Variants in VWA3B observed in about 807,000 individuals in gnomAD.
The protein encoded by VWA3B is von Willebrand factor A domain-containing protein 3B.
Under a neutral mutation model 158.3 loss-of-function variants are expected in VWA3B, and 138 were observed. The ratio of observed to expected loss-of-function variants is 0.87; its 90% CI spans 0.76 to 1.00. VWA3B has a LOEUF of 1.00. Among genes scored for constraint, VWA3B ranks in the 50% least tolerant of loss-of-function variants. The pLI, the probability that VWA3B is intolerant of heterozygous loss-of-function variation, is 0.00. For synonymous variants in VWA3B, 596 were observed against 587.3 expected, an observed-to-expected ratio of 1.01 and a Z score of -0.21; for missense variants, 1,555 against 1,565.1, an observed-to-expected ratio of 0.99 and a Z score of 0.11.
At chr2:98,124,412 A>T (rs1675201763) in intron 5 of VWA3B, among the ~76,000 whole-genome samples, 1 of 152,196 alleles carries the variant, frequency 6.6e-6, no homozygotes, top group Admixed American at 6.5e-5. Context: ...GTGGGGACAG[A>T]GACCCTGAAA....
At chr2:98,185,907 G>A (rs1390371344) in intron 9 of VWA3B, among the ~76,000 whole-genome samples, 3 of 152,082 alleles carry the variant, frequency 2.0e-5, no homozygotes, top group Non-Finnish European at 2.9e-5. Context: ...CTCTGGCTGT[G>A]CCCCCACGCC....
At chr2:98,127,638 C>T (rs1354752927) in intron 5 of VWA3B, among the ~76,000 whole-genome samples, 2 of 143,052 alleles carry the variant, frequency 1.4e-5, no homozygotes, top group African/African-American at 5.4e-5. Context: ...GCTTATTCTT[C>T]CATTCTTCTC....
chr2:98,300,804 G>A (rs959115192), intron 25 of VWA3B, among the ~76,000 whole-genome samples: 21 of 151,946 alleles, frequency 1.4e-4, no homozygotes, highest in Non-Finnish European at 2.8e-4. Flanking sequence ...CTCAGACTCC[G>A]CAAGCCAGTG....
chr2:98,197,403 A>G (rs1342328444), intron 12 of VWA3B, among the ~76,000 whole-genome samples: 2 of 152,226 alleles, frequency 1.3e-5, no homozygotes, highest in Non-Finnish European at 2.9e-5. Context: ...TGTAAATAAT[A>G]AAAGTTTTGG....
intron 8 of VWA3B, among the ~76,000 whole-genome samples, chr2:98,166,060 G>A (rs532692528): frequency 2.6e-5 from 4 of 152,156 alleles, no homozygotes; most frequent in Non-Finnish European, 5.9e-5. Context: ...TAAGGGACCA[G>A]GTATGGTGGC....
chr2:98,271,844 G>A (rs948268897), intron 22 of VWA3B, among the ~76,000 whole-genome samples: 1 of 152,222 alleles, frequency 6.6e-6, no homozygotes, highest in African/African-American at 2.4e-5. Context: ...ATACATGGGT[G>A]TGTGTGGACG....
intron 25 of VWA3B, 146 bp downstream of exon 25, chr2:98,300,362 G>A (rs1256293193): frequency 2.4e-5 from 29 of 1,192,656 alleles, no homozygotes; most frequent in Middle Eastern, 2.0e-4. Flanking sequence ...TCTGCCCACC[G>A]TGCCACACAG....
chr2:98,276,139 A>G (rs1373492622), intron 22 of VWA3B, among the ~76,000 whole-genome samples: 1 of 152,186 alleles, frequency 6.6e-6, no homozygotes, highest in African/African-American at 2.4e-5. Flanking sequence ...GAGAGGTCAC[A>G]TCTGGTGACT....
chr2:98,297,839 A>G (rs1424562747), intron 23 of VWA3B, 68 bp from the exon 24 acceptor site: 2 of 1,416,852 alleles, frequency 1.4e-6, no homozygotes, highest in African/African-American at 1.5e-5. Flanking sequence ...GGCCAGAAAG[A>G]TGGCACAAGC....
At chr2:98,133,744 C>T (rs1477080026) in intron 6 of VWA3B, 80 bp from the exon 7 acceptor site, 7 of 1,220,448 alleles carry the variant, frequency 5.7e-6, no homozygotes, top group East Asian at 2.3e-5. Context: ...CCGAAGAGCA[C>T]GTTCAGTCCC....
chr2:98,275,290 C>T (rs114515137), intron 22 of VWA3B, among the ~76,000 whole-genome samples: 1,996 of 152,270 alleles, frequency 0.013, 26 homozygotes, highest in Non-Finnish European at 0.022. Context: ...TCACTTTCAG[C>T]GCTCTTGATT....
At chr2:98,236,241 C>T (rs1401136014) in intron 17 of VWA3B, 149 bp from the exon 18 acceptor site, 8 of 856,190 alleles carry the variant, frequency 9.3e-6, no homozygotes, top group East Asian at 2.6e-5. Flanking sequence ...CCTGAGAGCC[C>T]GCTCTGACAA....
At chr2:98,162,156 C>A (rs950438761) in intron 7 of VWA3B, among the ~76,000 whole-genome samples, 9 of 149,368 alleles carry the variant, frequency 6.0e-5, no homozygotes, top group African/African-American at 2.2e-4. Flanking sequence ...ACATCCATTT[C>A]CCCCCGGCCC....
At chr2:98,285,768 C>G (rs1156968553) in intron 22 of VWA3B, among the ~76,000 whole-genome samples, 14 of 151,764 alleles carry the variant, frequency 9.2e-5, no homozygotes, top group Admixed American at 9.2e-4. Flanking sequence ...TTCAACTTCT[C>G]AATTTCTGCA....
At chr2:98,274,288 G>T (rs1408897273) in intron 22 of VWA3B, among the ~76,000 whole-genome samples, 2 of 152,204 alleles carry the variant, frequency 1.3e-5, no homozygotes, top group Non-Finnish European at 2.9e-5. Context: ...TGTGTCCATG[G>T]CACTGACAGT....
At chr2:98,245,315 G>A (rs1398834331) in intron 19 of VWA3B, 11 of 279,842 alleles carry the variant, frequency 3.9e-5, no homozygotes, top group Non-Finnish European at 7.0e-5. Flanking sequence ...AGAAGCCGGG[G>A]GTGCCATGAT....
intron 14 of VWA3B, among the ~76,000 whole-genome samples, chr2:98,222,531 C>T (rs1204120772): frequency 6.6e-6 from 1 of 152,176 alleles, no homozygotes; most frequent in Non-Finnish European, 1.5e-5. Flanking sequence ...GAAGAACAGG[C>T]AGGAGAGGCC....
intron 7 of VWA3B, among the ~76,000 whole-genome samples, chr2:98,162,565 T>C (rs1678703406): frequency 6.6e-6 from 1 of 152,194 alleles, no homozygotes; most frequent in South Asian, 2.1e-4. Flanking sequence ...ATTCCTATCT[T>C]ATTTGGGTAT....
intron 1 of VWA3B, among the ~76,000 whole-genome samples, chr2:98,089,071 T>C (rs1215133207): frequency 6.6e-6 from 1 of 152,152 alleles, no homozygotes; most frequent in Admixed American, 6.5e-5. Flanking sequence ...TGAGCCACCG[T>C]GCCCGGCCAA....
Sources: gnomAD v4.1 joint callset for allele counts (sites outside exome capture counted in the v4.1 genomes callset) on GRCh38, gnomAD v4.1.1 for gene constraint, MANE v1.5 for transcripts, NCBI Gene and HGNC (gene_info 2026-07-23, HGNC 2026-07-21) for gene names.